The following BTBD9 variants were observed in gnomAD, a reference collection of about 807,000 sequenced individuals.
The protein encoded by BTBD9 is BTB domain containing 9.
In BTBD9, 49 loss-of-function variants were observed where a neutral mutation model predicts 64.3. The ratio of observed to expected loss-of-function variants is 0.76; its 90% CI spans 0.61 to 0.97. The LOEUF (loss-of-function observed/expected upper bound fraction) is 0.97. Among genes scored for constraint, BTBD9 ranks in the 50% least tolerant of loss-of-function variants. The pLI is 0.00. For synonymous variants in BTBD9, 260 were observed against 274.7 expected, an observed-to-expected ratio of 0.95 and a Z score of 0.53; for missense variants, 598 against 762.1, an observed-to-expected ratio of 0.78 and a Z score of 2.53.
At chr6:38,522,666 T>A (rs1456070895) in intron 6 of BTBD9, among the ~76,000 whole-genome samples, 2 of 152,178 alleles carry the variant, frequency 1.3e-5, no homozygotes, top group East Asian at 3.9e-4. Context: ...GGTGACCATA[T>A]ATCTAACTCC....
At position 38,175,133 on chromosome 6, in the gene BTBD9, T is replaced by C. The variant is rs1766943703; in HGVS notation, c.1691A>G (p.Lys564Arg). Residue 564 changes from lysine to arginine, a missense_variant, in exon 11 of 11, where the codon AAG (lysine) becomes AGG (arginine). Lys to Arg is a conservative substitution (Grantham distance 26, BLOSUM62 2). Coordinates refer to ENST00000481247, the MANE Select transcript of BTBD9 (RefSeq NM_001099272.2). ...FECPEQQSSQ[K>R]EENSEESGTG... ...CCCCGATTCCTCACTATTTTCCTCC[T>C]TCTGGCTGCTCTGCTGCTCTGGACA... The C allele has an allele frequency of 6.2e-7, 1 of 1,614,186 alleles. No homozygotes were observed. The highest frequency in any genetic ancestry group is 1.1e-5 in the South Asian group (1 of 91,080).
rs983966162 is a variant in BTBD9, at chr6:38,260,122, T to G, written c.1455-3606A>C. 2.6e-5 allele frequency among the ~76,000 whole-genome samples: 4 copies of G among 152,224 alleles called. No homozygotes were observed. In the East Asian group the frequency reaches 5.8e-4, roughly 22 times the overall value. ...GGTTCTTATTTTGATTATAAGAACT[T>G]TAGAAAGATGTTTGGTCTTTCTCTT... On this transcript the variant is annotated intron_variant, in intron 8 of 10. Transcript: ENST00000481247.
At chr6:38,334,549 A>C (rs1225844582) in intron 7 of BTBD9, among the ~76,000 whole-genome samples, 1 of 152,052 alleles carries the variant, frequency 6.6e-6, no homozygotes, top group Non-Finnish European at 1.5e-5. Flanking sequence ...AGCCTGGGTG[A>C]CAGAGCGAGA....
At chr6:38,205,687 C>T (rs1309403134) in intron 9 of BTBD9, among the ~76,000 whole-genome samples, 2 of 151,386 alleles carry the variant, frequency 1.3e-5, no homozygotes, top group Non-Finnish European at 2.9e-5. Flanking sequence ...AGTTCGAGAC[C>T]AGCCTGGCCA....
chr6:38,349,424 T>C (rs567211801), intron 6 of BTBD9, among the ~76,000 whole-genome samples: 9 of 152,266 alleles, frequency 5.9e-5, no homozygotes, highest in East Asian at 1.9e-4. Flanking sequence ...CCCTTATCTG[T>C]GGTTTTGCTT....
chr6:38,424,719 G>A (rs556205310), intron 6 of BTBD9, among the ~76,000 whole-genome samples: 2 of 151,838 alleles, frequency 1.3e-5, no homozygotes, highest in East Asian at 3.9e-4. Context: ...GTTTCACCAT[G>A]TTGGTCAGAC....
At chr6:38,403,674 C>T (rs988628256) in intron 6 of BTBD9, among the ~76,000 whole-genome samples, 1 of 152,112 alleles carries the variant, frequency 6.6e-6, no homozygotes, top group African/African-American at 2.4e-5. Context: ...TCTGGCAGAT[C>T]GTCAAAAAGT....
intron 6 of BTBD9, among the ~76,000 whole-genome samples, chr6:38,540,473 C>T (rs528852757): frequency 4.8e-4 from 73 of 152,280 alleles, no homozygotes; most frequent in African/African-American, 1.6e-3. Flanking sequence ...TACACACTTG[C>T]AAATCCCAAA....
At chr6:38,511,438 G>T (rs1234098761) in intron 6 of BTBD9, among the ~76,000 whole-genome samples, 1 of 150,970 alleles carries the variant, frequency 6.6e-6, no homozygotes, top group African/African-American at 2.4e-5. Flanking sequence ...GACCTCCTGG[G>T]CTCAAGTGAT....
intron 6 of BTBD9, among the ~76,000 whole-genome samples, chr6:38,530,055 G>A (rs982744410): frequency 1.1e-4 from 16 of 152,096 alleles, no homozygotes; most frequent in Non-Finnish European, 2.2e-4. Context: ...TGCATTCCTG[G>A]GGAGAGGTCT....
chr6:38,484,192 T>A (rs187082508), intron 6 of BTBD9, among the ~76,000 whole-genome samples: 5 of 152,354 alleles, frequency 3.3e-5, no homozygotes, highest in African/African-American at 1.2e-4. Context: ...TGAGACATAA[T>A]AACTAGTGCA....
At chr6:38,317,108 G>A (rs2127573962) in intron 7 of BTBD9, among the ~76,000 whole-genome samples, 1 of 152,046 alleles carries the variant, frequency 6.6e-6, no homozygotes, top group Non-Finnish European at 1.5e-5. Flanking sequence ...TGATTCTCCT[G>A]CCTCAGCCTC....
intron 6 of BTBD9, among the ~76,000 whole-genome samples, chr6:38,519,102 G>A (rs6924443): frequency 2.0e-5 from 3 of 151,992 alleles, no homozygotes; most frequent in Non-Finnish European, 4.4e-5. Context: ...CTGCAGATAT[G>A]TATAGTTCTA....
rs1219522211 is a variant in BTBD9 at position 38,171,908 on chromosome 6, A to G, written c.*3077T>C. 1.4e-5 allele frequency: 2 copies of G among 144,778 alleles called. No homozygotes were observed. Among genetic ancestry groups the G allele is most frequent in the African/African-American group, 2.5e-5 (1 of 39,244 alleles). The allele number at this position is 144,778 out of a possible 1,614,324, so 9.0% of individuals were successfully genotyped here. A position where few individuals can be genotyped will look rare whatever the true frequency, so the allele number is the denominator to read the frequency against. On this transcript the variant is annotated 3_prime_UTR_variant, in exon 11 of 11. Coordinates refer to ENST00000481247, the MANE Select transcript of BTBD9 (RefSeq NM_001099272.2). ...TAATAATAATAATAATAATAATAAT[A>G]ATGAAAAGTGAAGGGTGGGGGTGCT...
chr6:38,221,776 A>G (rs1763205158), intron 9 of BTBD9, among the ~76,000 whole-genome samples: 3 of 152,150 alleles, frequency 2.0e-5, no homozygotes, highest in Admixed American at 2.0e-4. Flanking sequence ...GCGAATCACA[A>G]GGTTAGGAGT....
chr6:38,530,503 G>GACACCAGAGACCAATCCTGGAGA (rs1582585732), intron 6 of BTBD9, among the ~76,000 whole-genome samples: 6 of 143,696 alleles, frequency 4.2e-5, no homozygotes, highest in South Asian at 4.3e-4. Flanking sequence ...CACTTCTGGT[G>GACACCAGAGACCAATCCTGGAGA]GCCCAACTGT....
chr6:38,561,314 C>T (rs996889064), intron 6 of BTBD9, among the ~76,000 whole-genome samples: 3 of 145,158 alleles, frequency 2.1e-5, no homozygotes, highest in African/African-American at 4.9e-5. Context: ...GCTGGAGAGG[C>T]TGCGGAAAAA....
At chr6:38,487,547 A>G (rs1340327321) in intron 6 of BTBD9, among the ~76,000 whole-genome samples, 3 of 150,294 alleles carry the variant, frequency 2.0e-5, no homozygotes, top group Admixed American at 6.6e-5. Context: ...ACGCCACTGC[A>G]TTCCAGCCTG....
intron 6 of BTBD9, among the ~76,000 whole-genome samples, chr6:38,504,809 G>C (rs1005096019): frequency 6.6e-6 from 1 of 152,166 alleles, no homozygotes; most frequent in Non-Finnish European, 1.5e-5. Context: ...GAAAGGTTGA[G>C]TAAATTGTGG....
Sources: gnomAD v4.1 joint callset for allele counts (sites outside exome capture counted in the v4.1 genomes callset) on GRCh38, gnomAD v4.1.1 for gene constraint, MANE v1.5 for transcripts, NCBI Gene and HGNC (gene_info 2026-07-23, HGNC 2026-07-21) for gene names.